The following ANK2 variants were observed in gnomAD, a reference collection of about 807,000 sequenced individuals.
ANK2 encodes the protein ankyrin-2.
ANK2 carries 83 observed loss-of-function variants against 360.5 expected under a neutral mutation model. The ratio of observed to expected loss-of-function variants is 0.23; its 90% confidence interval spans 0.19 to 0.28. The LOEUF is 0.28. ANK2 is among the 10% of genes least tolerant of loss of function. The pLI is 1.00. For missense variants in ANK2, 4,201 were observed against 4,795.7 expected, an observed-to-expected ratio of 0.88 and a Z score of 3.66; for synonymous variants, 1,740 against 1,759.5, an observed-to-expected ratio of 0.99 and a Z score of 0.28.
At chr4:113,021,621 A>T (rs187921357) in intron 2 of ANK2, among the ~76,000 whole-genome samples, 2 of 145,510 alleles carry the variant, frequency 1.4e-5, no homozygotes, top group African/African-American at 5.1e-5. Flanking sequence ...CTGAGCCCCG[A>T]CACTGTCTTT....
intron 4 of ANK2, among the ~76,000 whole-genome samples, chr4:113,227,172 A>G (rs566279803): frequency 3.9e-5 from 6 of 152,150 alleles, no homozygotes; most frequent in Non-Finnish European, 8.8e-5. Context: ...TTTTGTTGTT[A>G]AATACCAGTA....
chr4:113,204,579 T>C (rs140941159), intron 4 of ANK2, among the ~76,000 whole-genome samples: 1 of 152,318 alleles, frequency 6.6e-6, no homozygotes, highest in African/African-American at 2.4e-5. Context: ...GAATCAACAA[T>C]GAATAGTCTC....
rs77373155 is a variant in ANK2 at position 113,041,819 on chromosome 4, T to C, written c.22-132597T>C. Among the ~76,000 whole-genome samples, 665 of 152,212 alleles carry C rather than the reference T, an allele frequency of 4.4e-3. 25 individuals are homozygous for C. In the East Asian group the frequency reaches 0.087, roughly 20 times the overall value. Reference sequence around the variant, plus strand: ...AGTCAGTGTCTGGTGAGGGCCCAGGTCCACTTTCTGGTTTGCAGATGACTG... The same window carrying C: ...AGTCAGTGTCTGGTGAGGGCCCAGGCCCACTTTCTGGTTTGCAGATGACTG... On this transcript the variant is annotated intron_variant, in intron 2 of 30. Transcript: ENST00000503271.
intron 1 of ANK2, among the ~76,000 whole-genome samples, chr4:112,846,817 C>T (rs1476177851): frequency 3.3e-5 from 5 of 152,162 alleles, no homozygotes; most frequent in Non-Finnish European, 7.3e-5. Context: ...CCCATGAGGT[C>T]ATCAAAGAAC....
intron 37 of ANK2, among the ~76,000 whole-genome samples, 194 bp from the exon 38 acceptor site, chr4:113,352,851 T>C (rs34053670): frequency 1.3e-5 from 2 of 149,326 alleles, no homozygotes; most frequent in African/African-American, 4.9e-5. Flanking sequence ...TTTTCAGTTG[T>C]TTTTTTTTTC....
Position 113,140,194 on chromosome 4 carries a change from G to A in ANK2, c.85-34222G>A, listed in dbSNP as rs10014858. Reference sequence around the variant, plus strand: ...GAATGTTCCAATTTTCTTTCCACAGGTCAGTAATTCCCAAAGACAGGAGAA... The same window carrying A: ...GAATGTTCCAATTTTCTTTCCACAGATCAGTAATTCCCAAAGACAGGAGAA... On this transcript the variant is annotated intron_variant, in intron 1 of 45. Transcript: ENST00000357077. Among the ~76,000 whole-genome samples, 1,169 of 152,242 alleles carry A rather than the reference G, an allele frequency of 7.7e-3. 17 individuals are homozygous for A. The highest frequency in any genetic ancestry group is 0.027 in the African/African-American group (1,119 of 41,544).
chr4:113,255,468 A>G (rs1453474255), intron 10 of ANK2, among the ~76,000 whole-genome samples: 1 of 152,186 alleles, frequency 6.6e-6, no homozygotes, highest in African/African-American at 2.4e-5. Flanking sequence ...ATAACTGTAA[A>G]ATCAGGCTAA....
chr4:112,767,877 C>A, the ANK2 span, among the ~76,000 whole-genome samples: 1 of 152,170 alleles, frequency 6.6e-6, no homozygotes, highest in African/African-American at 2.4e-5. Flanking sequence ...ATTCTTGTTA[C>A]AGAGATACCT....
At chr4:112,856,425 AT>A in intron 1 of ANK2, among the ~76,000 whole-genome samples, 1 of 152,184 alleles carries the variant, frequency 6.6e-6, no homozygotes, top group East Asian at 1.9e-4. Context: ...CTTAAAAATA[AT>A]TTTTTAAAAG....
chr4:113,258,437 C>A (rs767391009), intron 13 of ANK2, 26 bp downstream of exon 13: 4 of 1,588,774 alleles, frequency 2.5e-6, no homozygotes, highest in African/African-American at 1.3e-5. Flanking sequence ...GTCAGAATAA[C>A]CCCAGGGAGG....
intron 1 of ANK2, among the ~76,000 whole-genome samples, chr4:113,059,761 A>G (rs2072164526): frequency 6.6e-6 from 1 of 152,152 alleles, no homozygotes; most frequent in South Asian, 2.1e-4. Context: ...TAAAATGTTC[A>G]TGAGTAACAC....
At chr4:113,092,848 T>G (rs1182625990) in intron 1 of ANK2, among the ~76,000 whole-genome samples, 6 of 152,192 alleles carry the variant, frequency 3.9e-5, no homozygotes, top group Non-Finnish European at 8.8e-5. Context: ...ATAATCTTAT[T>G]GATTACATGA....
chr4:112,864,538 G>A lies in ANK2; in HGVS notation c.-39-39917G>A, dbSNP rs117545720. The stretch of plus-strand genomic sequence containing the variant: ...CTGACCAGGCTGGTCTCGAACTACC[G>A]ACCTCAGGCGATATGCCCACCCCGG... On this transcript the variant is annotated intron_variant, in intron 1 of 30. Transcript: ENST00000503271. 3.4e-3 allele frequency among the ~76,000 whole-genome samples: 523 copies of A among 151,790 alleles called. 3 individuals are homozygous for A. The highest frequency in any genetic ancestry group is 0.027 in the East Asian group (139 of 5,078).
At chr4:113,258,223 T>C (rs1325399431) in intron 12 of ANK2, 75 bp downstream of exon 12, 3 of 1,574,210 alleles carry the variant, frequency 1.9e-6, no homozygotes, top group Non-Finnish European at 2.6e-6. Flanking sequence ...TCTCATCTTC[T>C]GTCCTCTTCA....
At chr4:113,107,221 AT>A (rs373150155) in intron 1 of ANK2, among the ~76,000 whole-genome samples, 1 of 150,304 alleles carries the variant, frequency 6.7e-6, no homozygotes, top group African/African-American at 2.4e-5. Context: ...TGCGTGTTAG[AT>A]TTTTTTTTTC....
intron 4 of ANK2, among the ~76,000 whole-genome samples, chr4:113,216,639 A>G (rs2099088499): frequency 6.6e-6 from 1 of 152,200 alleles, no homozygotes; most frequent in Non-Finnish European, 1.5e-5. Flanking sequence ...CTAACAGATC[A>G]TCCTTATCAG....
chr4:113,104,656 A>G (rs1222367481), intron 1 of ANK2, among the ~76,000 whole-genome samples: 1 of 152,192 alleles, frequency 6.6e-6, no homozygotes, highest in African/African-American at 2.4e-5. Flanking sequence ...CAGAGGTTGC[A>G]GTTAGCTGAG....
At chr4:112,721,730 G>C in the ANK2 span, among the ~76,000 whole-genome samples, 4 of 152,230 alleles carry the variant, frequency 2.6e-5, no homozygotes, top group East Asian at 7.7e-4. Flanking sequence ...ATCCTGAAAT[G>C]AAAGTGCCAG....
chr4:113,353,271 C>T lies in ANK2; in HGVS notation c.4653C>T (p.Ile1551=), dbSNP rs200539502. 8.1e-5 allele frequency: 130 copies of T among 1,613,798 alleles called. No individual in the cohort carries two copies. Among genetic ancestry groups the T allele is most frequent in the Non-Finnish European group, 1.0e-4 (118 of 1,179,920 alleles). Residue 1551 remains isoleucine (I), a synonymous_variant, in exon 38 of 46, where the codon ATC becomes ATT. Transcript: ENST00000357077. ...AEEEPGEPFE[I]VERVKEDLEK... ...AAGAGCCAGGAGAGCCTTTTGAAATCGTTGAAAGAGTTAAAGAGGACTTAG... is the reference window on the plus strand; with the variant it reads ...AAGAGCCAGGAGAGCCTTTTGAAATTGTTGAAAGAGTTAAAGAGGACTTAG...
Sources: gnomAD v4.1 joint callset for allele counts (sites outside exome capture counted in the v4.1 genomes callset) on GRCh38, gnomAD v4.1.1 for gene constraint, MANE v1.5 for transcripts, NCBI Gene and HGNC (gene_info 2026-07-23, HGNC 2026-07-21) for gene names.